Variants in DLGAP1 observed in about 807,000 individuals in gnomAD.
DLGAP1 encodes disks large-associated protein 1.
A neutral mutation model predicts 90.8 loss-of-function variants in DLGAP1; 11 were observed. The observed-to-expected ratio is 0.12, with a 90% CI of 0.08 to 0.20. The LOEUF (loss-of-function observed/expected upper bound fraction) is 0.20. DLGAP1 is among the 10% of genes least tolerant of loss of function. The pLI, the probability that DLGAP1 is intolerant of heterozygous loss-of-function variation, is 1.00. For synonymous variants in DLGAP1, 558 were observed against 540.7 expected (o/e 1.03, Z -0.44); for missense variants, 1,050 against 1,333.8 (o/e 0.79, Z 3.31).
At chr18:4,258,325 T>C (rs2078937933) in intron 1 of DLGAP1, among the ~76,000 whole-genome samples, 1 of 152,196 alleles carries the variant, frequency 6.6e-6, no homozygotes, top group African/African-American at 2.4e-5. Context: ...ATAACAGGCT[T>C]GAGCCACCAC....
intron 1 of DLGAP1, among the ~76,000 whole-genome samples, chr18:4,325,408 CA>C (rs2080795118): frequency 6.6e-6 from 1 of 152,058 alleles, no homozygotes; most frequent in African/African-American, 2.4e-5. Flanking sequence ...TAGGAAGAAT[CA>C]ATATCATCAA....
intron 7 of DLGAP1, among the ~76,000 whole-genome samples, chr18:3,623,486 C>A (rs867693582): frequency 2.0e-5 from 3 of 152,222 alleles, no homozygotes; most frequent in Middle Eastern, 3.4e-3. Context: ...TTCTTCAAGG[C>A]CGTGTGAAAA....
intron 1 of DLGAP1, among the ~76,000 whole-genome samples, chr18:4,444,758 T>C (rs1306520457): frequency 6.6e-6 from 1 of 152,190 alleles, no homozygotes; most frequent in Non-Finnish European, 1.5e-5. Flanking sequence ...AAAAAAAATA[T>C]ACAGTATGGT....
rs1334280559 is a variant in DLGAP1, at chr18:3,729,606, A to G, written c.1351-231T>C. ...GTATTTTTAGTAGAGACAGGGTTTC[A>G]CCGTGTTGGCCAGGCTGGTCTCGAA... On this transcript the variant is annotated intron_variant, in intron 6 of 12. Coordinates refer to ENST00000315677, the MANE Select transcript of DLGAP1 (RefSeq NM_004746.4). This position sits in a 1 kb window ranked among gnomAD's most constrained non-coding sequence, Gnocchi z 6.2. Among the ~76,000 whole-genome samples the G allele has an allele frequency of 6.6e-6, 1 of 152,082 alleles. No individual in the cohort carries two copies. The highest frequency in any genetic ancestry group is 2.4e-5 in the African/African-American group (1 of 41,362).
At chr18:3,546,664 A>T (rs1477324975) in intron 9 of DLGAP1, among the ~76,000 whole-genome samples, 1 of 152,024 alleles carries the variant, frequency 6.6e-6, no homozygotes, top group Non-Finnish European at 1.5e-5. Context: ...AAAAAAAATC[A>T]AAAAGGAAAA....
Position 3,663,127 on chromosome 18 carries a change from C to T in DLGAP1, c.1591+66008G>A, listed in dbSNP as rs151326746. On this transcript the variant is annotated intron_variant, in intron 7 of 12. Transcript: ENST00000315677. Reference sequence around the variant, plus strand: ...TCTCTACTAAAAATACAAAATTAGCCGGGTGTGGTGGTGCATGCCTGTAAT... The same window carrying T: ...TCTCTACTAAAAATACAAAATTAGCTGGGTGTGGTGGTGCATGCCTGTAAT... 7.4e-3 allele frequency among the ~76,000 whole-genome samples: 1,127 copies of T among 151,960 alleles called. 11 individuals are homozygous for T. The highest frequency in any genetic ancestry group is 0.026 in the African/African-American group (1,081 of 41,456).
In DLGAP1 at chr18:4,380,896, C is replaced by T. The variant is rs1468072147; in HGVS notation, c.-267+74110G>A. ...ATGCAGCTGCCAATATGGTTCTCCA[C>T]TGGTACATACATGTGACTTCCCTCC... On this transcript the variant is annotated intron_variant, in intron 1 of 12. Transcript: ENST00000315677. Among the ~76,000 whole-genome samples, 5 of 152,168 alleles carry T rather than the reference C, an allele frequency of 3.3e-5. No individual in the cohort carries two copies. The East Asian group carries it at 7.7e-4, about 23-fold the overall frequency.
intron 1 of DLGAP1, among the ~76,000 whole-genome samples, chr18:4,402,502 C>T (rs1237057836): frequency 2.0e-5 from 3 of 151,994 alleles, no homozygotes; most frequent in African/African-American, 4.8e-5. Flanking sequence ...GGAAGCAGGC[C>T]GGGAAGACAT....
intron 3 of DLGAP1, among the ~76,000 whole-genome samples, chr18:3,981,546 T>C (rs2073729569): frequency 6.6e-6 from 1 of 152,214 alleles, no homozygotes. Flanking sequence ...GGGAATGTTC[T>C]CTGCCCAAGG....
intron 4 of DLGAP1, among the ~76,000 whole-genome samples, chr18:3,847,370 G>A (rs538531863): frequency 4.6e-5 from 7 of 152,236 alleles, no homozygotes; most frequent in South Asian, 2.1e-4. Flanking sequence ...GGCTGCAGAC[G>A]TATCTCAAGA....
chr18:4,035,937 A>G (rs1386544336), intron 2 of DLGAP1, among the ~76,000 whole-genome samples: 1 of 152,064 alleles, frequency 6.6e-6, no homozygotes, highest in Non-Finnish European at 1.5e-5. Flanking sequence ...ATGTCTACTA[A>G]GAAGTAGACA....
chr18:4,131,742 C>T (rs2076320811), intron 2 of DLGAP1, among the ~76,000 whole-genome samples: 1 of 152,158 alleles, frequency 6.6e-6, no homozygotes. Context: ...ATTGGATTAG[C>T]TAGAGGTTAT....
intron 7 of DLGAP1, among the ~76,000 whole-genome samples, chr18:3,673,924 C>T (rs1157017283): frequency 6.6e-6 from 1 of 151,458 alleles, no homozygotes; most frequent in Admixed American, 6.6e-5. Context: ...CTCACTGCGA[C>T]CTCCGCCTCC....
At chr18:3,646,237 A>G (rs1219166285) in intron 7 of DLGAP1, among the ~76,000 whole-genome samples, 1 of 152,154 alleles carries the variant, frequency 6.6e-6, no homozygotes, top group Non-Finnish European at 1.5e-5. Context: ...CTCTACAAAA[A>G]TAAAAAGTTA....
At position 4,068,364 on chromosome 18, in the gene DLGAP1, T is replaced by A. The variant is rs141135425; in HGVS notation, c.-158-63163A>T. ...AAACTATATTATAATGTTACATATG[T>A]TTATGTACGTAGGCATATTTATGCA... On this transcript the variant is annotated intron_variant, in intron 2 of 12. Transcript: ENST00000315677. Among the ~76,000 whole-genome samples the A allele has an allele frequency of 9.8e-3, 1,490 of 151,638 alleles. 21 individuals carry two copies. Among genetic ancestry groups the A allele is most frequent in the Non-Finnish European group, 0.011 (764 of 67,870 alleles).
At chr18:4,044,606 T>C (rs1458347891) in intron 2 of DLGAP1, among the ~76,000 whole-genome samples, 1 of 151,772 alleles carries the variant, frequency 6.6e-6, no homozygotes, top group African/African-American at 2.4e-5. Context: ...CCAGGCACGG[T>C]GGTGGGCGCC....
At chr18:4,081,743 C>T (rs552673152) in intron 2 of DLGAP1, among the ~76,000 whole-genome samples, 1 of 152,158 alleles carries the variant, frequency 6.6e-6, no homozygotes, top group Non-Finnish European at 1.5e-5. Context: ...TGTTTTGGTC[C>T]CATTTGGTAT....
At chr18:4,380,786 T>C (rs558039368) in intron 1 of DLGAP1, among the ~76,000 whole-genome samples, 176 of 152,296 alleles carry the variant, frequency 1.2e-3, no homozygotes, top group African/African-American at 3.9e-3. Context: ...ACAGCATTGA[T>C]GAGATACATC....
At chr18:4,277,381 C>T (rs552822789) in intron 1 of DLGAP1, among the ~76,000 whole-genome samples, 5 of 152,240 alleles carry the variant, frequency 3.3e-5, no homozygotes, top group African/African-American at 1.2e-4. Flanking sequence ...CTTATTTGCA[C>T]TGTTTCACTG....
Sources: allele counts gnomAD v4.1 joint callset (sites outside exome capture counted in the v4.1 genomes callset), GRCh38; gene constraint gnomAD v4.1.1; non-coding constraint Gnocchi (gnomAD v3.1); transcripts MANE v1.5; gene names NCBI Gene and HGNC (gene_info 2026-07-23, HGNC 2026-07-21).